The following MACROD2 variants were observed in gnomAD, a reference collection of about 807,000 sequenced individuals.
The protein encoded by MACROD2 is ADP-ribose glycohydrolase MACROD2.
Under a neutral mutation model 70.4 loss-of-function variants are expected in MACROD2, and 36 were observed. The observed-to-expected ratio is 0.51, with a 90% CI of 0.39 to 0.68. The LOEUF (loss-of-function observed/expected upper bound fraction) is 0.68. MACROD2 is among the 30% of genes least tolerant of loss of function. The pLI, the probability that MACROD2 is intolerant of heterozygous loss-of-function variation, is 0.00. For missense variants in MACROD2, 496 were observed against 538.4 expected, an observed-to-expected ratio of 0.92 and a Z score of 0.78; for synonymous variants, 172 against 178.8, an observed-to-expected ratio of 0.96 and a Z score of 0.30.
intron 8 of MACROD2, among the ~76,000 whole-genome samples, chr20:15,523,462 AAG>A (rs1227762275): frequency 6.6e-6 from 1 of 152,118 alleles, no homozygotes; most frequent in Non-Finnish European, 1.5e-5. Flanking sequence ...CGATTTGGGG[AAG>A]ATTTGGCTGA....
At chr20:15,832,563 A>T (rs1021333399) in intron 8 of MACROD2, among the ~76,000 whole-genome samples, 3 of 152,254 alleles carry the variant, frequency 2.0e-5, no homozygotes, top group Non-Finnish European at 2.9e-5. Flanking sequence ...TGCCCCTGAA[A>T]CAGAAAGAGA....
chr20:16,039,010 G>T (rs2067272371), intron 15 of MACROD2, among the ~76,000 whole-genome samples: 2 of 151,832 alleles, frequency 1.3e-5, no homozygotes, highest in South Asian at 2.1e-4. Context: ...AGTTAGCAGG[G>T]TACCTCTCCT....
intron 4 of MACROD2, among the ~76,000 whole-genome samples, chr20:14,564,333 G>A (rs1009925346): frequency 1.1e-4 from 16 of 151,752 alleles, no homozygotes; most frequent in African/African-American, 3.9e-4. Context: ...CAACAAAAAC[G>A]AAAATAGAAA....
intron 5 of MACROD2, among the ~76,000 whole-genome samples, chr20:15,077,441 C>T (rs545225493): frequency 6.6e-6 from 1 of 152,170 alleles, no homozygotes; most frequent in South Asian, 2.1e-4. Context: ...GGATGTAACA[C>T]TGTAGGAGAT....
intron 3 of MACROD2, among the ~76,000 whole-genome samples, chr20:14,301,917 G>A (rs1336888817): frequency 6.6e-6 from 1 of 151,998 alleles, no homozygotes; most frequent in Admixed American, 6.6e-5. Context: ...AAATCTGTAA[G>A]TTCTCTTGAT....
chr20:14,776,311 C>G (rs2072233976), intron 5 of MACROD2, among the ~76,000 whole-genome samples: 1 of 151,996 alleles, frequency 6.6e-6, no homozygotes, highest in South Asian at 2.1e-4. Context: ...CTCCTAACAA[C>G]TTGACATGAG....
intron 6 of MACROD2, among the ~76,000 whole-genome samples, chr20:15,337,794 A>G (rs1213632314): frequency 3.3e-5 from 5 of 151,804 alleles, no homozygotes; most frequent in Non-Finnish European, 5.9e-5. Context: ...TACAGCTTGT[A>G]GAACATATAG....
At chr20:14,910,416 T>C (rs2074012549) in intron 5 of MACROD2, among the ~76,000 whole-genome samples, 1 of 152,100 alleles carries the variant, frequency 6.6e-6, no homozygotes, top group South Asian at 2.1e-4. Context: ...GGAAACTAAT[T>C]TAAAGAACAT....
rs1242671271 is a variant in MACROD2 at position 15,987,101 on chromosome 20, G to C, written c.1096G>C (p.Glu366Gln). Residue 366 changes from glutamate (E) to glutamine (Q), a missense_variant, in exon 15 of 18, where the codon GAG (glutamate) becomes CAG (glutamine). Transcript: ENST00000684519. Reference protein sequence around the residue: ...SSNQEDAVIVEQPEVIPLTED... With the variant: ...SSNQEDAVIVQQPEVIPLTED... ...AAACCAAGAAGATGCCGTGATTGTG[G>C]AGCAACCAGAAGTGATTCCATTAAC... is the stretch of plus-strand genomic sequence containing the variant. 1.7e-5 allele frequency: 27 copies of C among 1,611,868 alleles called. No homozygotes were observed. The highest frequency in any genetic ancestry group is 2.2e-5 in the Non-Finnish European group (26 of 1,179,544).
rs118107334 is a variant in MACROD2, at chr20:16,037,916, C to T, written c.1154-3285C>T. Among the ~76,000 whole-genome samples the T allele has an allele frequency of 6.8e-4, 103 of 152,056 alleles. No individual in the cohort carries two copies. The East Asian group carries it at 0.019, about 28-fold the overall frequency. On this transcript the variant is annotated intron_variant, in intron 15 of 17. Transcript: ENST00000684519. The stretch of plus-strand genomic sequence containing the variant: ...ATAATGATGTGAAGGTCTTTGTCCA[C>T]ATTACCTTTCACATTTATTTCTTTT...
At chr20:14,329,927 A>G (rs2082802911) in intron 3 of MACROD2, among the ~76,000 whole-genome samples, 1 of 152,030 alleles carries the variant, frequency 6.6e-6, no homozygotes, top group Non-Finnish European at 1.5e-5. Context: ...CTACTTAGTG[A>G]TCTTGAAACT....
At chr20:15,167,253 A>G (rs1250964925) in intron 5 of MACROD2, among the ~76,000 whole-genome samples, 1 of 152,172 alleles carries the variant, frequency 6.6e-6, no homozygotes, top group Non-Finnish European at 1.5e-5. Flanking sequence ...GAATATAACC[A>G]AAGTATTGTA....
chr20:14,285,938 A>G (rs1018738391), intron 3 of MACROD2, among the ~76,000 whole-genome samples: 2 of 151,500 alleles, frequency 1.3e-5, no homozygotes, highest in African/African-American at 4.8e-5. Context: ...CTTTGTTATT[A>G]TCTTGTCACT....
chr20:15,006,644 G>GA (rs1377516825), intron 5 of MACROD2, among the ~76,000 whole-genome samples: 6 of 151,936 alleles, frequency 3.9e-5, no homozygotes, highest in Admixed American at 1.3e-4. Context: ...TCTACAAGCT[G>GA]AAAAAAATAC....
chr20:14,840,020 AG>A (rs1215469972), intron 5 of MACROD2, among the ~76,000 whole-genome samples: 4 of 146,776 alleles, frequency 2.7e-5, no homozygotes, highest in African/African-American at 9.9e-5. Context: ...AACATCTTTT[AG>A]AGTCTCCATG....
chr20:14,630,437 A>T (rs972160492), intron 4 of MACROD2, among the ~76,000 whole-genome samples: 2 of 152,254 alleles, frequency 1.3e-5, no homozygotes, highest in Admixed American at 1.3e-4. Context: ...GGCTTTAAGA[A>T]GTAGGCCTCA....
At chr20:14,481,458 T>C (rs1007024902) in intron 3 of MACROD2, among the ~76,000 whole-genome samples, 4 of 152,122 alleles carry the variant, frequency 2.6e-5, no homozygotes, top group African/African-American at 9.7e-5. Flanking sequence ...TGTTAGTAAA[T>C]AATATGGGAA....
intron 8 of MACROD2, among the ~76,000 whole-genome samples, chr20:15,502,338 C>G (rs1298227385): frequency 6.6e-6 from 1 of 152,112 alleles, no homozygotes; most frequent in Non-Finnish European, 1.5e-5. Context: ...AGAATGAGCT[C>G]ACTGCTTGCT....
intron 6 of MACROD2, among the ~76,000 whole-genome samples, chr20:15,363,872 T>C (rs961380623): frequency 3.9e-5 from 6 of 152,210 alleles, no homozygotes; most frequent in African/African-American, 1.4e-4. Context: ...TGTGGGGGGC[T>C]AGCGGATGCA....
Sources: gnomAD v4.1 joint callset for allele counts (sites outside exome capture counted in the v4.1 genomes callset) on GRCh38, gnomAD v4.1.1 for gene constraint, MANE v1.5 for transcripts, NCBI Gene and HGNC (gene_info 2026-07-23, HGNC 2026-07-21) for gene names.